Variants in GRB14 observed in about 807,000 individuals in gnomAD.
GRB14 encodes the protein growth factor receptor bound protein 14, also known as growth factor receptor-bound protein 14.
Under a neutral mutation model 69.1 loss-of-function variants are expected in GRB14, and 38 were observed. The observed-to-expected ratio is 0.55, with a 90% CI of 0.42 to 0.72. GRB14 has a LOEUF of 0.72. Among genes scored for constraint, GRB14 ranks in the 30% least tolerant of loss-of-function variants. The pLI is 0.00. For synonymous variants in GRB14, 247 were observed against 241.3 expected, an observed-to-expected ratio of 1.02 and a Z score of -0.22; for missense variants, 666 against 666.1, an observed-to-expected ratio of 1.00 and a Z score of 0.00.
intron 5 of GRB14, among the ~76,000 whole-genome samples, chr2:164,522,507 T>C (rs1376250978): frequency 6.6e-6 from 1 of 152,150 alleles, no homozygotes; most frequent in Non-Finnish European, 1.5e-5. Context: ...ACGTCATCTA[T>C]TGCGTTAAGT....
At chr2:164,619,899 T>A (rs1423313297) in intron 1 of GRB14, 80 bp from the exon 2 acceptor site, 21 of 1,203,784 alleles carry the variant, frequency 1.7e-5, no homozygotes, top group Non-Finnish European at 2.4e-5. Flanking sequence ...AAAAGTGTGC[T>A]AAGGCGAACA....
intron 8 of GRB14, among the ~76,000 whole-genome samples, chr2:164,504,671 C>T (rs1687144945): frequency 6.6e-6 from 1 of 152,122 alleles, no homozygotes; most frequent in African/African-American, 2.4e-5. Context: ...AAAAGCTTCG[C>T]CATTATTGAA....
chr2:164,621,360 G>A lies in GRB14; in HGVS notation c.-51C>T, dbSNP rs746502545. On this transcript the variant is annotated 5_prime_UTR_variant, in exon 1 of 14. Transcript: ENST00000263915. The surrounding 1 kb of genome is among the most constrained non-coding windows in gnomAD (Gnocchi z 6.0). ...TCATGGGAGACTCGGCGCGTGGGGAGAAGGGGTTTGCGCGGCGGGAGGCGA... is the reference window on the plus strand; with the variant it reads ...TCATGGGAGACTCGGCGCGTGGGGAAAAGGGGTTTGCGCGGCGGGAGGCGA... 2.4e-6 allele frequency: 3 copies of A among 1,245,708 alleles called. No homozygotes were observed. Among genetic ancestry groups the A allele is most frequent in the Admixed American group, 7.1e-5 (2 of 28,140 alleles). 77.2% of individuals were successfully genotyped at this position (1,245,708 alleles called of 1,614,324 possible).
At chr2:164,611,071 AATAG>A (rs1690157470) in intron 2 of GRB14, among the ~76,000 whole-genome samples, 1 of 152,150 alleles carries the variant, frequency 6.6e-6, no homozygotes, top group East Asian at 1.9e-4. Context: ...TAAGTTCACA[AATAG>A]ATAGGACTGT....
chr2:164,589,812 A>C (rs1387530391), intron 2 of GRB14, among the ~76,000 whole-genome samples: 1 of 152,196 alleles, frequency 6.6e-6, no homozygotes, highest in Non-Finnish European at 1.5e-5. Flanking sequence ...ATAACAAAGC[A>C]CTACAGACTG....
At chr2:164,541,129 G>T (rs1434993529) in intron 3 of GRB14, among the ~76,000 whole-genome samples, 2 of 152,072 alleles carry the variant, frequency 1.3e-5, no homozygotes, top group South Asian at 2.1e-4. Flanking sequence ...CATGATTTTT[G>T]AGGTATTTAC....
intron 2 of GRB14, among the ~76,000 whole-genome samples, chr2:164,564,705 G>T (rs576820764): frequency 6.6e-6 from 1 of 152,122 alleles, no homozygotes; most frequent in African/African-American, 2.4e-5. Flanking sequence ...ATGCAAAAAT[G>T]TTTGCAAACA....
intron 9 of GRB14, among the ~76,000 whole-genome samples, chr2:164,499,801 T>C (rs1210198369): frequency 6.6e-6 from 1 of 152,114 alleles, no homozygotes; most frequent in South Asian, 2.1e-4. Context: ...ATTTGAAGGA[T>C]TTAGATAAAC....
chr2:164,621,169 C>A lies in GRB14; in HGVS notation c.141G>T (p.Ala47=). The change falls in exon 1 of 14, where the codon GCG becomes GCT. Residue 47 remains alanine (A), a synonymous_variant. Coordinates refer to ENST00000263915, the MANE Select transcript of GRB14 (RefSeq NM_004490.3). This position sits in a 1 kb window ranked among gnomAD's most constrained non-coding sequence, Gnocchi z 6.0. ...CGTCCGGAAGGGGCAGGAGCGCTCG[C>A]GCGTGCAGCCAGGGGGCCGGCGCCA... is the stretch of plus-strand genomic sequence containing the variant. The part of the protein sequence containing the change: ...HDLAPAPWLH[A]RALLPLPDGT... The A allele has an allele frequency of 1.6e-6, 2 of 1,244,482 alleles. No individual in the cohort carries two copies. The highest frequency in any genetic ancestry group is 2.0e-6 in the Non-Finnish European group (2 of 988,168). The allele number at this position is 1,244,482 out of a possible 1,614,324, so 77.1% of individuals were successfully genotyped here. A position where few individuals can be genotyped will look rare whatever the true frequency, so the allele number is the denominator to read the frequency against.
At chr2:164,571,122 T>C (rs1487535733) in intron 2 of GRB14, among the ~76,000 whole-genome samples, 1 of 152,252 alleles carries the variant, frequency 6.6e-6, no homozygotes, top group Non-Finnish European at 1.5e-5. Flanking sequence ...GGTGCTCATA[T>C]TGACTGTGCT....
intron 2 of GRB14, among the ~76,000 whole-genome samples, chr2:164,566,483 A>T (rs1406883488): frequency 1.3e-5 from 2 of 152,160 alleles, no homozygotes; most frequent in African/African-American, 4.8e-5. Context: ...ATTATAACAG[A>T]AACTTGACAA....
intron 9 of GRB14, among the ~76,000 whole-genome samples, chr2:164,501,956 ATGT>A (rs1186379414): frequency 2.0e-5 from 3 of 151,976 alleles, no homozygotes; most frequent in African/African-American, 7.2e-5. Flanking sequence ...TAATCTTCAA[ATGT>A]TGTAATGACA....
At chr2:164,507,432 C>G (rs1468073746) in intron 8 of GRB14, among the ~76,000 whole-genome samples, 1 of 152,074 alleles carries the variant, frequency 6.6e-6, no homozygotes, top group African/African-American at 2.4e-5. Context: ...TTAGTACACG[C>G]ATTGTTAATA....
At chr2:164,598,642 T>C (rs1294968047) in intron 2 of GRB14, among the ~76,000 whole-genome samples, 1 of 152,192 alleles carries the variant, frequency 6.6e-6, no homozygotes, top group African/African-American at 2.4e-5. Context: ...TTTATTGGTC[T>C]TCGCTTACTA....
intron 2 of GRB14, among the ~76,000 whole-genome samples, chr2:164,602,570 A>AAAATGCTCAAGAGGAGATTATACAG (rs1689944186): frequency 6.6e-6 from 1 of 152,238 alleles, no homozygotes; most frequent in Admixed American, 6.5e-5. Context: ...ACTATCATTG[A>AAAATGCTCAAGAGGAGATTATACAG]AAATGCTCAA....
chr2:164,575,171 C>G (rs1294113658), intron 2 of GRB14, among the ~76,000 whole-genome samples: 1 of 152,054 alleles, frequency 6.6e-6, no homozygotes, highest in African/African-American at 2.4e-5. Context: ...CAGTAATGTG[C>G]ATGAAATCCT....
intron 3 of GRB14, among the ~76,000 whole-genome samples, chr2:164,539,611 T>C (rs879717278): frequency 6.6e-6 from 1 of 152,182 alleles, no homozygotes; most frequent in Non-Finnish European, 1.5e-5. Context: ...GCTTGTGATA[T>C]GGTTTAGACA....
chr2:164,562,676 G>T (rs185970654), intron 2 of GRB14, among the ~76,000 whole-genome samples: 20 of 152,268 alleles, frequency 1.3e-4, no homozygotes, highest in African/African-American at 4.8e-4. Context: ...TCTACTATGT[G>T]TGAAATGCTT....
intron 5 of GRB14, among the ~76,000 whole-genome samples, chr2:164,523,261 C>T (rs2105284254): frequency 6.6e-6 from 1 of 152,110 alleles, no homozygotes; most frequent in African/African-American, 2.4e-5. Context: ...ATACTTTAAA[C>T]CACAAAGGCT....
Sources: allele counts gnomAD v4.1 joint callset (sites outside exome capture counted in the v4.1 genomes callset), GRCh38; gene constraint gnomAD v4.1.1; non-coding constraint Gnocchi (gnomAD v3.1); transcripts MANE v1.5; gene names NCBI Gene and HGNC (gene_info 2026-07-23, HGNC 2026-07-21).